The following LHFPL6 variants were observed in gnomAD, a reference collection of about 807,000 sequenced individuals.
The protein encoded by LHFPL6 is LHFPL tetraspan subfamily member 6, also known as LHFPL tetraspan subfamily member 6 protein.
LHFPL6 carries 9 observed loss-of-function variants against 20.6 expected under a neutral mutation model. That is an observed-to-expected ratio of 0.44 (90% confidence interval 0.26 to 0.76). The LOEUF (loss-of-function observed/expected upper bound fraction) is 0.76. LHFPL6 is among the 30% of genes least tolerant of loss of function. The probability of loss-of-function intolerance (pLI) is 0.20; values close to 1 mark genes in which losing one functional copy is unlikely to be tolerated. For missense variants in LHFPL6, 218 were observed against 253.5 expected (o/e 0.86, Z 0.95); for synonymous variants, 105 against 98.7 (o/e 1.06, Z -0.38).
intron 2 of LHFPL6, among the ~76,000 whole-genome samples, chr13:39,403,837 A>G (rs1005640179): frequency 4.6e-5 from 7 of 152,206 alleles, no homozygotes; most frequent in African/African-American, 1.7e-4. Flanking sequence ...CAGGCCTGTT[A>G]TCATGTATCC....
At chr13:39,499,411 A>G (rs11618810) in intron 2 of LHFPL6, among the ~76,000 whole-genome samples, 11,059 of 152,114 alleles carry the variant, frequency 0.073, 590 homozygotes, top group East Asian at 0.12. Context: ...TTCCTTCCTC[A>G]GTCCTCTCCT....
chr13:39,535,043 C>T (rs777964659), intron 2 of LHFPL6, among the ~76,000 whole-genome samples: 1 of 152,172 alleles, frequency 6.6e-6, no homozygotes, highest in Non-Finnish European at 1.5e-5. Flanking sequence ...GCTTCTCACA[C>T]CCCCGGGCCT....
At chr13:39,375,093 C>T (rs73173475) in intron 3 of LHFPL6, among the ~76,000 whole-genome samples, 2 of 152,320 alleles carry the variant, frequency 1.3e-5, no homozygotes, top group South Asian at 2.1e-4. Flanking sequence ...ATAACATTAA[C>T]ATTTCACAAC....
chr13:39,421,454 TAA>T (rs1189882073), intron 2 of LHFPL6, among the ~76,000 whole-genome samples: 1 of 152,058 alleles, frequency 6.6e-6, no homozygotes, highest in Non-Finnish European at 1.5e-5. Flanking sequence ...ATTGAAATAA[TAA>T]AAAAATTAAA....
intron 3 of LHFPL6, among the ~76,000 whole-genome samples, chr13:39,358,044 A>T (rs536886071): frequency 1.5e-3 from 235 of 152,270 alleles, no homozygotes; most frequent in African/African-American, 5.4e-3. Flanking sequence ...TTAGAAAAAA[A>T]ATTCTAAAAT....
chr13:39,583,865 G>C (rs778818105), intron 2 of LHFPL6, among the ~76,000 whole-genome samples: 1 of 151,842 alleles, frequency 6.6e-6, no homozygotes, highest in Admixed American at 6.6e-5. Flanking sequence ...ATCCTCCCTC[G>C]TGTCCTCCGG....
chr13:39,486,588 G>A (rs1180321045), intron 2 of LHFPL6, among the ~76,000 whole-genome samples: 1 of 152,110 alleles, frequency 6.6e-6, no homozygotes. Context: ...TACTATTACC[G>A]CCAATATGAT....
intron 2 of LHFPL6, among the ~76,000 whole-genome samples, chr13:39,474,653 G>T (rs1026076396): frequency 5.3e-5 from 8 of 151,954 alleles, no homozygotes; most frequent in Non-Finnish European, 1.0e-4. Context: ...AATTGGCAAT[G>T]AACAAATTAT....
At chr13:39,514,777 T>A (rs535884164) in intron 2 of LHFPL6, among the ~76,000 whole-genome samples, 167 of 152,324 alleles carry the variant, frequency 1.1e-3, no homozygotes, top group Non-Finnish European at 2.2e-3. Context: ...AAGAAAGAGT[T>A]TAATATTCTC....
At chr13:39,600,684 T>C in intron 2 of LHFPL6, 148 bp downstream of exon 2, 1 of 810,938 alleles carries the variant, frequency 1.2e-6, no homozygotes. Context: ...ATCTTGACTT[T>C]GGCAACCTAT....
At chr13:39,467,867 G>T (rs1455774752) in intron 2 of LHFPL6, among the ~76,000 whole-genome samples, 1 of 152,130 alleles carries the variant, frequency 6.6e-6, no homozygotes, top group Admixed American at 6.5e-5. Flanking sequence ...ATGAAGAAGG[G>T]TAAATAAGCA....
At chr13:39,401,311 G>T (rs1202555521) in intron 2 of LHFPL6, among the ~76,000 whole-genome samples, 1 of 152,192 alleles carries the variant, frequency 6.6e-6, no homozygotes, top group Admixed American at 6.5e-5. Context: ...AGTACAGTTT[G>T]TTCCTCCCTC....
intron 2 of LHFPL6, among the ~76,000 whole-genome samples, chr13:39,476,453 T>C (rs530180900): frequency 4.6e-5 from 7 of 152,350 alleles, no homozygotes; most frequent in African/African-American, 1.7e-4. Flanking sequence ...GGCTGGCACC[T>C]AAAATAACAT....
At chr13:39,595,297 C>A (rs889142789) in intron 2 of LHFPL6, among the ~76,000 whole-genome samples, 4 of 152,082 alleles carry the variant, frequency 2.6e-5, no homozygotes, top group Non-Finnish European at 4.4e-5. Flanking sequence ...AGTGTATCTT[C>A]CTTTCTTTCC....
At chr13:39,532,104 C>T (rs922120118) in intron 2 of LHFPL6, among the ~76,000 whole-genome samples, 11 of 152,170 alleles carry the variant, frequency 7.2e-5, no homozygotes, top group African/African-American at 2.4e-4. Flanking sequence ...GTTCCTCTCC[C>T]TGGGTGTTAG....
chr13:39,405,130 A>G (rs924353576), intron 2 of LHFPL6, among the ~76,000 whole-genome samples: 3 of 152,226 alleles, frequency 2.0e-5, no homozygotes, highest in Admixed American at 1.3e-4. Context: ...GGTGATAAAG[A>G]GTAATACACA....
chr13:39,517,481 T>G (rs1228069154), intron 2 of LHFPL6, among the ~76,000 whole-genome samples: 1 of 152,170 alleles, frequency 6.6e-6, no homozygotes, highest in African/African-American at 2.4e-5. Context: ...AATCCAGACA[T>G]CATCCTTTAT....
At chr13:39,523,915 G>A (rs1593348589) in intron 2 of LHFPL6, among the ~76,000 whole-genome samples, 1 of 152,122 alleles carries the variant, frequency 6.6e-6, no homozygotes, top group African/African-American at 2.4e-5. Context: ...AAGCTGGCGA[G>A]CTTCAAAGGA....
intron 2 of LHFPL6, among the ~76,000 whole-genome samples, chr13:39,548,909 C>T (rs750899589): frequency 3.3e-5 from 5 of 152,042 alleles, no homozygotes; most frequent in Admixed American, 1.3e-4. Context: ...ATATTGATAA[C>T]TTAGACTTGA....
Sources: allele counts gnomAD v4.1 joint callset (sites outside exome capture counted in the v4.1 genomes callset), GRCh38; gene constraint gnomAD v4.1.1; transcripts MANE v1.5; gene names NCBI Gene and HGNC (gene_info 2026-07-23, HGNC 2026-07-21).